Variants in RTEL1 observed in about 807,000 individuals in gnomAD.
RTEL1 encodes the protein regulator of telomere length.
Under a neutral mutation model 162.2 loss-of-function variants are expected in RTEL1, and 86 were observed. That is an observed-to-expected ratio of 0.53 (90% CI 0.45 to 0.63). The LOEUF (loss-of-function observed/expected upper bound fraction) is 0.63. RTEL1 is among the 30% of genes least tolerant of loss of function. The pLI is 0.00. For synonymous variants in RTEL1, 958 were observed against 717.9 expected (o/e 1.33, Z -5.35); for missense variants, 1,941 against 1,750.2 (o/e 1.11, Z -1.95).
chr20:63,669,325 A>T (rs1253092627), intron 8 of RTEL1, among the ~76,000 whole-genome samples: 1 of 152,226 alleles, frequency 6.6e-6, no homozygotes, highest in African/African-American at 2.4e-5. Flanking sequence ...ACTAAAAGTT[A>T]TAGAAAGGAA....
At chr20:63,685,287 G>A (rs1201271812) in intron 14 of RTEL1, among the ~76,000 whole-genome samples, 1 of 152,186 alleles carries the variant, frequency 6.6e-6, no homozygotes, top group East Asian at 1.9e-4. Flanking sequence ...CGCATTTTCA[G>A]TGCATGGAGA....
Position 63,667,041 on chromosome 20 carries a change from G to A in RTEL1, c.615-428G>A, listed in dbSNP as rs138474680. 2.1e-3 allele frequency among the ~76,000 whole-genome samples: 313 copies of A among 150,120 alleles called. 1 individual carries two copies. Among genetic ancestry groups the A allele is most frequent in the East Asian group, 1.0e-2 (50 of 5,012 alleles). On this transcript the variant is annotated intron_variant, in intron 7 of 34. Transcript: ENST00000360203. Reference sequence around the variant, plus strand: ...TTTTTAGTAGAGACGGGGTTTCACCGTGTTAGCCAGGATGGTCTCGATCTT... The same window carrying A: ...TTTTTAGTAGAGACGGGGTTTCACCATGTTAGCCAGGATGGTCTCGATCTT...
intron 8 of RTEL1, among the ~76,000 whole-genome samples, chr20:63,669,522 T>C (rs1040421233): frequency 1.3e-5 from 2 of 152,250 alleles, no homozygotes; most frequent in African/African-American, 2.4e-5. Context: ...TTCAAAGGAC[T>C]TAAAAAATTT....
rs767334798 is a variant in RTEL1 at position 63,661,965 on chromosome 20, C to G, written c.395+22C>G. 1.9e-6 allele frequency: 3 copies of G among 1,582,478 alleles called. No individual in the cohort carries two copies. Among genetic ancestry groups the G allele is most frequent in the South Asian group, 2.2e-5 (2 of 90,432 alleles). ...ACCGGTGGGTCAGACGAGTTTACACCTGTCTCGGGGTCCTCAAGAGAACCA... is the reference window on the plus strand; with the variant it reads ...ACCGGTGGGTCAGACGAGTTTACACGTGTCTCGGGGTCCTCAAGAGAACCA... On this transcript the variant is annotated intron_variant, in intron 4 of 34. Transcript: ENST00000360203. This position sits in a 1 kb window ranked among gnomAD's most constrained non-coding sequence, Gnocchi z 5.1.
In RTEL1 at chr20:63,675,319, G is replaced by T. The variant is rs966641821; in HGVS notation, c.919+1226G>T. Among the ~76,000 whole-genome samples the T allele has an allele frequency of 9.8e-5, 15 of 152,334 alleles. No homozygotes were observed. The East Asian group carries it at 2.3e-3, about 23-fold the overall frequency. On this transcript the variant is annotated intron_variant, in intron 10 of 34. Coordinates refer to ENST00000360203, the MANE Select transcript of RTEL1 (RefSeq NM_001283009.2). ...TCGTGAGCATCTCCAGGTGTAAACA[G>T]CATCAGCTTCCCCCATTTTCCTTTA...
At position 63,683,147 on chromosome 20, in the gene RTEL1, G is replaced by C. The variant is rs777257750; in HGVS notation, c.1192-2376G>C. Among the ~76,000 whole-genome samples the C allele has an allele frequency of 4.5e-4, 69 of 152,258 alleles. No individual in the cohort carries two copies. The Middle Eastern group carries it at 0.014, about 30-fold the overall frequency. ...CTCAGCTAATTTTTAAAATTTTTTTGTAGAGATGAGGTCTTGCCATGTTTC... is the reference window on the plus strand; with the variant it reads ...CTCAGCTAATTTTTAAAATTTTTTTCTAGAGATGAGGTCTTGCCATGTTTC... On this transcript the variant is annotated intron_variant, in intron 14 of 34. Coordinates refer to ENST00000360203, the MANE Select transcript of RTEL1 (RefSeq NM_001283009.2).
chr20:63,678,618 A>G (rs2090409522), intron 12 of RTEL1, among the ~76,000 whole-genome samples: 1 of 134,210 alleles, frequency 7.5e-6, no homozygotes, highest in African/African-American at 2.9e-5. Context: ...AACAGCACAC[A>G]CACTCCCACG....
At chr20:63,685,045 GTT>G (rs745351879) in intron 14 of RTEL1, among the ~76,000 whole-genome samples, 30 of 127,412 alleles carry the variant, frequency 2.4e-4, no homozygotes, top group Admixed American at 5.5e-4. Flanking sequence ...GCCCGGCTAG[GTT>G]TTTTTTTTTT....
At chr20:63,666,323 G>A (rs145347728) in intron 7 of RTEL1, among the ~76,000 whole-genome samples, 10 of 152,378 alleles carry the variant, frequency 6.6e-5, no homozygotes, top group African/African-American at 2.2e-4. Context: ...AGCCCTGCAG[G>A]CCTGTGTCTG....
chr20:63,690,494 G>GGGGGGGGGT, intron 26 of RTEL1, 53 bp downstream of exon 26: 2 of 1,336,834 alleles, frequency 1.5e-6, no homozygotes, highest in Non-Finnish European at 2.0e-6. Context: ...AGCGGGCGGC[G>GGGGGGGGGT]TGGGGCGGGC....
chr20:63,691,504 A>G (rs1445229097), intron 27 of RTEL1, among the ~76,000 whole-genome samples: 1 of 151,850 alleles, frequency 6.6e-6, no homozygotes, highest in African/African-American at 2.4e-5. Context: ...CTGTGGTCGG[A>G]CTGTCTTCCC....
intron 30 of RTEL1, among the ~76,000 whole-genome samples, chr20:63,693,496 C>G (rs1601187598): frequency 1.1e-5 from 1 of 88,500 alleles, no homozygotes; most frequent in African/African-American, 4.0e-5. Context: ...ACCACCTCCA[C>G]CTCCACCACC....
At position 63,659,290 on chromosome 20, in the gene RTEL1, C is replaced by T. The variant is rs756345215; in HGVS notation, c.-113C>T. ...CGTTGTGTCCCAGTGCACATGCTCG[C>T]ATCGCTTACCAGGAGTGCCCGAGAC... On this transcript the variant is annotated 5_prime_UTR_variant, in exon 2 of 35. Transcript: ENST00000360203. The T allele has an allele frequency of 1.4e-6, 1 of 724,534 alleles. No homozygotes were observed. The highest frequency in any genetic ancestry group is 2.5e-6 in the Non-Finnish European group (1 of 395,938). The allele number at this position is 724,534 out of a possible 1,614,324, so 44.9% of individuals were successfully genotyped here.
At chr20:63,681,645 G>A (rs1171187887) in intron 14 of RTEL1, 1 of 985,118 alleles carries the variant, frequency 1.0e-6, no homozygotes, top group Admixed American at 6.2e-5. Context: ...GAACAAGCAG[G>A]CACTGCCTTC....
chr20:63,673,638 A>G (rs2090289794), intron 9 of RTEL1, among the ~76,000 whole-genome samples: 2 of 151,850 alleles, frequency 1.3e-5, no homozygotes, highest in African/African-American at 2.4e-5. Context: ...GGGGTTTCCC[A>G]GCGTTGCCCA....
intron 14 of RTEL1, chr20:63,682,518 A>C (rs1308009998): frequency 1.0e-6 from 1 of 985,504 alleles, no homozygotes. Flanking sequence ...AATCCTGCAC[A>C]CTCCATCGGT....
intron 4 of RTEL1, 132 bp downstream of exon 4, chr20:63,662,075 A>T: frequency 1.3e-6 from 1 of 746,880 alleles, no homozygotes. Flanking sequence ...CGAAGTGTGC[A>T]GAGCGCTGGT....
chr20:63,666,139 C>T (rs2090122744), intron 7 of RTEL1, 60 bp downstream of exon 7: 1 of 1,288,938 alleles, frequency 7.8e-7, no homozygotes, highest in Non-Finnish European at 1.1e-6. Flanking sequence ...CTCCTGTGAC[C>T]TGTGGAGGCC....
chr20:63,693,483 A>ACCACCTCCACCTCCACCACCT (rs1568720188), intron 30 of RTEL1, among the ~76,000 whole-genome samples, 200 bp downstream of exon 30: 1 of 35,850 alleles, frequency 2.8e-5, no homozygotes, highest in Admixed American at 3.0e-4. Context: ...CTCCACCTCC[A>ACCACCTCCACCTCCACCACCT]CCACCACCTC....
Sources: allele counts gnomAD v4.1 joint callset (sites outside exome capture counted in the v4.1 genomes callset), GRCh38; gene constraint gnomAD v4.1.1; non-coding constraint Gnocchi (gnomAD v3.1); transcripts MANE v1.5; gene names NCBI Gene and HGNC (gene_info 2026-07-23, HGNC 2026-07-21).